Variants in SPOP observed in about 807,000 individuals in gnomAD.
The protein encoded by SPOP is speckle type BTB/POZ protein.
A neutral mutation model predicts 45.6 loss-of-function variants in SPOP; 11 were observed. The observed-to-expected ratio is 0.24, with a 90% CI of 0.15 to 0.40. The LOEUF (loss-of-function observed/expected upper bound fraction) is 0.40. Among genes scored for constraint, SPOP ranks in the 10% least tolerant of loss-of-function variants. The pLI, the probability that SPOP is intolerant of heterozygous loss-of-function variation, is 1.00. For synonymous variants in SPOP, 166 were observed against 166.3 expected (o/e 1.00, Z 0.01); for missense variants, 152 against 465.6 (o/e 0.33, Z 6.20).
At chr17:49,638,935 C>A (rs1293187213) in intron 1 of SPOP, among the ~76,000 whole-genome samples, 1 of 152,150 alleles carries the variant, frequency 6.6e-6, no homozygotes, top group Non-Finnish European at 1.5e-5. Context: ...ATCGCTTGAA[C>A]CTGGGAGGTG....
At chr17:49,665,686 A>ACC (rs2073048335) in intron 1 of SPOP, among the ~76,000 whole-genome samples, 1 of 143,752 alleles carries the variant, frequency 7.0e-6, no homozygotes, top group African/African-American at 2.6e-5. Flanking sequence ...ACACACACAC[A>ACC]CACACACACC....
At chr17:49,650,524 G>A (rs1372251185) in intron 1 of SPOP, among the ~76,000 whole-genome samples, 1 of 152,146 alleles carries the variant, frequency 6.6e-6, no homozygotes, top group Non-Finnish European at 1.5e-5. Context: ...AGGTTACAGT[G>A]AGCCAAGCTC....
chr17:49,599,286 C>G lies in SPOP; in HGVS notation c.*1092G>C. On this transcript the variant is annotated 3_prime_UTR_variant, in exon 10 of 10. Transcript: ENST00000504102. ...AAAAGACCAGAGATACCACACAGTA[C>G]AAAATAGTAATTATTTATATTTTCA... The G allele has an allele frequency of 9.3e-6, 2 of 216,032 alleles. No individual in the cohort carries two copies. The highest frequency in any genetic ancestry group is 1.8e-5 in the Non-Finnish European group (2 of 108,352). The allele number at this position is 216,032 out of a possible 1,614,324, so 13.4% of individuals were successfully genotyped here. A position where few individuals can be genotyped will look rare whatever the true frequency, so the allele number is the denominator to read the frequency against.
chr17:49,662,754 T>C (rs1176293785), intron 1 of SPOP, among the ~76,000 whole-genome samples: 1 of 152,210 alleles, frequency 6.6e-6, no homozygotes, highest in Admixed American at 6.5e-5. Context: ...TTGAAACTTT[T>C]TATGATCTTT....
At chr17:49,639,794 G>A (rs913791173) in intron 1 of SPOP, among the ~76,000 whole-genome samples, 6 of 152,222 alleles carry the variant, frequency 3.9e-5, no homozygotes, top group Middle Eastern at 3.4e-3. Flanking sequence ...CTGAGCAATG[G>A]TATACGTTAT....
intron 1 of SPOP, among the ~76,000 whole-genome samples, chr17:49,652,408 T>C (rs2143495084): frequency 6.6e-6 from 1 of 152,342 alleles, no homozygotes; most frequent in East Asian, 1.9e-4. Context: ...GTAGTTTGAA[T>C]GTCCAGTCCC....
chr17:49,657,588 G>A (rs1447860617), intron 1 of SPOP, among the ~76,000 whole-genome samples: 9 of 151,424 alleles, frequency 5.9e-5, no homozygotes, highest in South Asian at 2.1e-4. Context: ...TAATAGGGAC[G>A]GGGTTTCACC....
intron 8 of SPOP, among the ~76,000 whole-genome samples, chr17:49,602,940 G>C (rs1024278561): frequency 2.0e-5 from 3 of 152,152 alleles, no homozygotes; most frequent in African/African-American, 7.2e-5. Context: ...TTGAGGGATA[G>C]GAAAGAGGAA....
chr17:49,660,703 G>T (rs547942923), intron 1 of SPOP, among the ~76,000 whole-genome samples: 1 of 152,150 alleles, frequency 6.6e-6, no homozygotes. Context: ...AGTGGCTCAC[G>T]CCTATAATCC....
Position 49,602,013 on chromosome 17 carries a change from A to C in SPOP, c.838-6T>G. On this transcript the variant is annotated splice_region_variant and splice_polypyrimidine_tract_variant and intron_variant, in intron 8 of 9. Transcript: ENST00000504102. Reference sequence around the variant, plus strand: ...TTTAAGCGCTCCAGGGCATACTGTAAAACACAAGCACTGCTGTCATCAGAG... The same window carrying C: ...TTTAAGCGCTCCAGGGCATACTGTACAACACAAGCACTGCTGTCATCAGAG... The C allele has an allele frequency of 6.2e-7, 1 of 1,613,876 alleles. No homozygotes were observed. Among genetic ancestry groups the C allele is most frequent in the Non-Finnish European group, 8.5e-7 (1 of 1,179,850 alleles).
At chr17:49,676,170 C>T (rs1678336036) in intron 1 of SPOP, among the ~76,000 whole-genome samples, 1 of 152,000 alleles carries the variant, frequency 6.6e-6, no homozygotes, top group Non-Finnish European at 1.5e-5. Context: ...CTCCAAATAC[C>T]AAACTAGCTA....
At chr17:49,639,444 T>C (rs889172696) in intron 1 of SPOP, among the ~76,000 whole-genome samples, 5 of 152,178 alleles carry the variant, frequency 3.3e-5, no homozygotes, top group Admixed American at 6.5e-5. Context: ...CACAGCAGCA[T>C]TGTTCATTAA....
At chr17:49,665,649 GACACACACACACACACACACAC>G (rs71352530) in intron 1 of SPOP, among the ~76,000 whole-genome samples, 8 of 126,722 alleles carry the variant, frequency 6.3e-5, no homozygotes, top group Non-Finnish European at 9.9e-5. Context: ...TATATATACA[GACACACACACACACACACACAC>G]ACACACACAC....
rs200124879 is a variant in SPOP, at chr17:49,626,179, GAGACA to G, written c.-66-3308_-66-3304del. ...CCTTGCTTGGCTACTAAGAAATCCT[GAGACA>G]AGTTTGTGACTCATCTTTTAAAACT... On this transcript the variant is annotated intron_variant, in intron 1 of 9. Coordinates refer to ENST00000504102, the MANE Select transcript of SPOP (RefSeq NM_001007228.2). Among the ~76,000 whole-genome samples, 809 of 152,180 alleles carry G rather than the reference GAGACA, an allele frequency of 5.3e-3. 10 individuals are homozygous for G. The highest frequency in any genetic ancestry group is 0.031 in the Middle Eastern group (9 of 294).
intron 8 of SPOP, among the ~76,000 whole-genome samples, chr17:49,604,928 A>G (rs1457912652): frequency 6.6e-6 from 1 of 152,248 alleles, no homozygotes; most frequent in Non-Finnish European, 1.5e-5. Flanking sequence ...GCTGTCTATC[A>G]TAATTCCTGT....
intron 1 of SPOP, among the ~76,000 whole-genome samples, chr17:49,634,516 C>T (rs886247503): frequency 6.6e-6 from 1 of 152,156 alleles, no homozygotes; most frequent in Non-Finnish European, 1.5e-5. Flanking sequence ...TGGTCTTTGA[C>T]CCACTCCCCT....
At chr17:49,670,324 G>A (rs1324185636) in intron 1 of SPOP, among the ~76,000 whole-genome samples, 2 of 152,224 alleles carry the variant, frequency 1.3e-5, no homozygotes, top group African/African-American at 4.8e-5. Context: ...TAGCCTTTCG[G>A]AGAGATTCAC....
At chr17:49,664,450 CGA>C (rs2073026988) in intron 1 of SPOP, among the ~76,000 whole-genome samples, 1 of 151,930 alleles carries the variant, frequency 6.6e-6, no homozygotes, top group African/African-American at 2.4e-5. Context: ...ATTATGTTAA[CGA>C]GAAAGGTTTA....
At chr17:49,606,495 C>CTTTTTTTTTTTTTTT (rs71146920) in intron 8 of SPOP, among the ~76,000 whole-genome samples, 1 of 69,332 alleles carries the variant, frequency 1.4e-5, no homozygotes, top group Non-Finnish European at 2.7e-5. Flanking sequence ...TTTCTTTTTT[C>CTTTTTTTTTTTTTTT]TTTTTTTTTT....
Sources: gnomAD v4.1 joint callset for allele counts (sites outside exome capture counted in the v4.1 genomes callset) on GRCh38, gnomAD v4.1.1 for gene constraint, MANE v1.5 for transcripts, NCBI Gene and HGNC (gene_info 2026-07-23, HGNC 2026-07-21) for gene names.